The following INSR variants were observed in gnomAD, a reference collection of about 807,000 sequenced individuals.
INSR encodes insulin receptor, also known as IR.
INSR carries 67 observed loss-of-function variants against 142.6 expected under a neutral mutation model. The ratio of observed to expected loss-of-function variants is 0.47; its 90% confidence interval spans 0.39 to 0.58. The LOEUF (loss-of-function observed/expected upper bound fraction) is 0.58, where lower values mean the gene tolerates loss of function less well. INSR is among the 20% of genes least tolerant of loss of function. The pLI is 0.00. For synonymous variants in INSR, 756 were observed against 743.1 expected (o/e 1.02, Z -0.28); for missense variants, 1,248 against 1,833.2 (o/e 0.68, Z 5.83).
At chr19:7,233,939 T>C (rs1316838507) in intron 2 of INSR, among the ~76,000 whole-genome samples, 2 of 151,694 alleles carry the variant, frequency 1.3e-5, no homozygotes, top group African/African-American at 4.8e-5. Context: ...TGTCACATTC[T>C]GTCACACAGG....
chr19:7,114,853 T>C lies in INSR; in HGVS notation c.*2203A>G, dbSNP rs1476552056. On this transcript the variant is annotated 3_prime_UTR_variant, in exon 22 of 22. Coordinates refer to ENST00000302850, the MANE Select transcript of INSR (RefSeq NM_000208.4). The stretch of plus-strand genomic sequence containing the variant: ...AAAAATGTGAAAATTGCAGCTAGTG[T>C]AGTATACAACCACTACAAATTTACT... The C allele has an allele frequency of 1.3e-5, 2 of 152,120 alleles. No homozygotes were observed. Among genetic ancestry groups the C allele is most frequent in the Non-Finnish European group, 2.9e-5 (2 of 68,024 alleles). The allele number at this position is 152,120 out of a possible 1,614,324, so 9.4% of individuals were successfully genotyped here. A position where few individuals can be genotyped will look rare whatever the true frequency, so the allele number is the denominator to read the frequency against.
rs555242348 is a variant in INSR, at chr19:7,216,827, C to T, written c.653-32190G>A. On this transcript the variant is annotated intron_variant, in intron 2 of 21. Transcript: ENST00000302850. The surrounding 1 kb of genome is among the most constrained non-coding windows in gnomAD (Gnocchi z 4.2). ...AAACGACATACATTTATTATTTTCT[C>T]CTGCATCGGGATCTTACTCTGTTGC... Among the ~76,000 whole-genome samples, 6 of 152,162 alleles carry T rather than the reference C, an allele frequency of 3.9e-5. No individual in the cohort carries two copies. Among genetic ancestry groups the T allele is most frequent in the African/African-American group, 1.4e-4 (6 of 41,522 alleles).
chr19:7,209,094 A>G (rs1975199717), intron 2 of INSR, among the ~76,000 whole-genome samples: 1 of 152,178 alleles, frequency 6.6e-6, no homozygotes, highest in African/African-American at 2.4e-5. Flanking sequence ...CAGGAGGCAG[A>G]GGTTGCAGTG....
At position 7,112,797 on chromosome 19, in the gene INSR, A is replaced by G. The variant is rs1972238247; in HGVS notation, c.*4259T>C. On this transcript the variant is annotated 3_prime_UTR_variant, in exon 22 of 22. Transcript: ENST00000302850. Reference sequence around the variant, plus strand: ...TCACTCCCATTTCTCGGGGACCCTTAAGGAAATATTCACCTTCCATTGCAC... The same window carrying G: ...TCACTCCCATTTCTCGGGGACCCTTGAGGAAATATTCACCTTCCATTGCAC... The G allele has an allele frequency of 6.6e-6, 1 of 152,048 alleles. No homozygotes were observed. The highest frequency in any genetic ancestry group is 2.1e-4 in the South Asian group (1 of 4,804). 9.4% of individuals were successfully genotyped at this position (152,048 alleles called of 1,614,324 possible). A position where few individuals can be genotyped will look rare whatever the true frequency, so the allele number is the denominator to read the frequency against.
intron 2 of INSR, among the ~76,000 whole-genome samples, chr19:7,240,500 C>T (rs1290713777): frequency 6.6e-6 from 1 of 152,140 alleles, no homozygotes; most frequent in African/African-American, 2.4e-5. Context: ...TGAGGCAAGG[C>T]GGAGGTTGCA....
chr19:7,174,744 C>CAGAG lies in INSR; in HGVS notation c.975-17_975-14dup. On this transcript the variant is annotated splice_polypyrimidine_tract_variant and intron_variant, in intron 3 of 21. Transcript: ENST00000302850. ...GGTGCACAGCAAGCTAAGGACGGAGCAGAGAGAGAGAGAAAGAGAAAGGGG... is the reference window on the plus strand; with the variant it reads ...GGTGCACAGCAAGCTAAGGACGGAGCAGAGAGAGAGAGAGAGAAAGAGAAAGGGG... The CAGAG allele has an allele frequency of 3.1e-6, 5 of 1,606,876 alleles. No homozygotes were observed. Among genetic ancestry groups the CAGAG allele is most frequent in the Non-Finnish European group, 4.3e-6 (5 of 1,175,462 alleles).
intron 2 of INSR, among the ~76,000 whole-genome samples, chr19:7,220,797 T>C (rs1389483945): frequency 1.3e-5 from 2 of 152,228 alleles, no homozygotes; most frequent in Non-Finnish European, 2.9e-5. Context: ...TAAATTTTAC[T>C]GGTAACATAA....
At chr19:7,235,061 A>T (rs796816797) in intron 2 of INSR, among the ~76,000 whole-genome samples, 13 of 150,344 alleles carry the variant, frequency 8.6e-5, no homozygotes, top group South Asian at 2.1e-4. Context: ...CCGTCTCAAA[A>T]AATAATAATA....
In INSR at chr19:7,167,874, G is replaced by A. The variant is rs943850800; in HGVS notation, c.1610+94C>T. Reference sequence around the variant, plus strand: ...TCCAGGAGGAGGAGGGAGATAGACAGGAACCCAAGAGGGGCAGATTGGAGC... The same window carrying A: ...TCCAGGAGGAGGAGGGAGATAGACAAGAACCCAAGAGGGGCAGATTGGAGC... On this transcript the variant is annotated intron_variant, in intron 7 of 21. Coordinates refer to ENST00000302850, the MANE Select transcript of INSR (RefSeq NM_000208.4). The A allele has an allele frequency of 2.5e-5, 37 of 1,498,798 alleles. No individual in the cohort carries two copies. In the East Asian group the frequency reaches 8.4e-4, roughly 34 times the overall value. The allele number at this position is 1,498,798 out of a possible 1,614,324, so 92.8% of individuals were successfully genotyped here.
chr19:7,219,320 C>G (rs748818804), intron 2 of INSR, among the ~76,000 whole-genome samples: 3 of 152,160 alleles, frequency 2.0e-5, no homozygotes, highest in Non-Finnish European at 4.4e-5. Context: ...ACTGACCACC[C>G]CCGGGGCTGG....
At chr19:7,255,435 C>T (rs766493038) in intron 2 of INSR, among the ~76,000 whole-genome samples, 3 of 151,998 alleles carry the variant, frequency 2.0e-5, no homozygotes, top group Non-Finnish European at 4.4e-5. Context: ...CTCTTGCCCA[C>T]AAAACGCCTC....
chr19:7,288,821 G>A (rs1968412174), intron 1 of INSR, among the ~76,000 whole-genome samples: 1 of 151,938 alleles, frequency 6.6e-6, no homozygotes, highest in South Asian at 2.1e-4. Context: ...AAACTAGCCA[G>A]GCGGGGTGGC....
intron 2 of INSR, among the ~76,000 whole-genome samples, chr19:7,214,638 A>G (rs1600033132): frequency 1.3e-5 from 2 of 152,224 alleles, no homozygotes; most frequent in African/African-American, 4.8e-5. Context: ...ATCAGGGGCC[A>G]GGTATGCATT....
intron 2 of INSR, among the ~76,000 whole-genome samples, chr19:7,207,940 G>GGAA (rs879531050): frequency 0.084 from 8,443 of 100,444 alleles, 305 homozygotes; most frequent in South Asian, 0.14. Context: ...AAGGAAGGAA[G>GGAA]GGAAGGAGGG....
intron 2 of INSR, among the ~76,000 whole-genome samples, chr19:7,202,593 G>A (rs1465141501): frequency 2.6e-5 from 4 of 151,962 alleles, no homozygotes; most frequent in African/African-American, 9.7e-5. Flanking sequence ...TCTGCCCCCG[G>A]GGTTCAAGCG....
rs1181645826 is a variant in INSR at position 7,117,185 on chromosome 19, C to G, written c.4020G>C (p.Ala1340=). The G allele has an allele frequency of 1.9e-6, 3 of 1,614,178 alleles. No homozygotes were observed. Among genetic ancestry groups the G allele is most frequent in the South Asian group, 1.1e-5 (1 of 91,078 alleles). ...DRSSHCQREE[A]GGRDGGSSLG... ...GCGAGGACCCTCCATCCCGGCCCCC[C>G]GCCTCCTCCCTCTGACAGTGCGAGG... Residue 1340 remains alanine, a synonymous_variant, in exon 22 of 22, where the codon GCG becomes GCC. Coordinates refer to ENST00000302850, the MANE Select transcript of INSR (RefSeq NM_000208.4).
At chr19:7,239,294 G>GCCCCCCC (rs58664893) in intron 2 of INSR, among the ~76,000 whole-genome samples, 1 of 116,882 alleles carries the variant, frequency 8.6e-6, no homozygotes. Context: ...AAAAGGCCCA[G>GCCCCCCC]CCCCCCCACC....
In INSR at chr19:7,142,910, C is replaced by T. The variant is rs2229434; in HGVS notation, c.2448G>A (p.Thr816=). The change falls in exon 12 of 22, where the codon ACG becomes ACA. Residue 816 remains threonine (T), a synonymous_variant. Coordinates refer to ENST00000302850, the MANE Select transcript of INSR (RefSeq NM_000208.4). ...SLVISGLRHF[T]GYRIELQACN... The stretch of plus-strand genomic sequence containing the variant: ...AAGCCTGCAGCTCGATGCGATAGCC[C>T]GTGAAGTGTCGCAAGCCGGAGATGA... The T allele has an allele frequency of 9.2e-3, 14,914 of 1,614,044 alleles. 156 individuals are homozygous for T. Among genetic ancestry groups the T allele is most frequent in the East Asian group, 0.042 (1,875 of 44,870 alleles).
At chr19:7,263,865 T>C (rs1977140219) in intron 2 of INSR, among the ~76,000 whole-genome samples, 1 of 151,930 alleles carries the variant, frequency 6.6e-6, no homozygotes, top group Non-Finnish European at 1.5e-5. Context: ...CTCTACAACA[T>C]ACACAAAACT....
Sources: gnomAD v4.1 joint callset for allele counts (sites outside exome capture counted in the v4.1 genomes callset) on GRCh38, gnomAD v4.1.1 for gene constraint, Gnocchi (gnomAD v3.1) non-coding constraint, MANE v1.5 for transcripts, NCBI Gene and HGNC (gene_info 2026-07-23, HGNC 2026-07-21) for gene names.